The following LINGO2 variants were observed in gnomAD, a reference collection of about 807,000 sequenced individuals.
The protein encoded by LINGO2 is leucine-rich repeat and immunoglobulin-like domain-containing nogo receptor-interacting protein 2.
Under a neutral mutation model 30.6 loss-of-function variants are expected in LINGO2, and 14 were observed. The observed-to-expected ratio is 0.46, with a 90% CI of 0.30 to 0.72. LINGO2 has a LOEUF of 0.72. LINGO2 is among the 30% of genes least tolerant of loss of function. The pLI is 0.07. For missense variants in LINGO2, 729 were observed against 751.7 expected, an observed-to-expected ratio of 0.97 and a Z score of 0.35; for synonymous variants, 317 against 288.5, an observed-to-expected ratio of 1.10 and a Z score of -1.00.
At chr9:28,095,287 T>A (rs983685037) in intron 4 of LINGO2, among the ~76,000 whole-genome samples, 1 of 152,096 alleles carries the variant, frequency 6.6e-6, no homozygotes, top group Non-Finnish European at 1.5e-5. Flanking sequence ...CAGTTCGCCG[T>A]ATCCCAACTA....
At chr9:28,517,271 G>T (rs573556229) in intron 1 of LINGO2, among the ~76,000 whole-genome samples, 6 of 152,114 alleles carry the variant, frequency 3.9e-5, no homozygotes, top group Non-Finnish European at 8.8e-5. Flanking sequence ...AAAAGAGCCA[G>T]ATCTTTAATA....
chr9:28,617,243 T>C (rs1826169520), intron 1 of LINGO2, among the ~76,000 whole-genome samples: 1 of 152,136 alleles, frequency 6.6e-6, no homozygotes, highest in South Asian at 2.1e-4. Flanking sequence ...TATCTGTCTT[T>C]CTACTTTTCT....
chr9:28,633,433 AT>A (rs1444674593), intron 1 of LINGO2, among the ~76,000 whole-genome samples: 15 of 152,336 alleles, frequency 9.8e-5, no homozygotes, highest in African/African-American at 2.9e-4. Context: ...TTCCAAAAAA[AT>A]AAGCAAAAAT....
the LINGO2 span, among the ~76,000 whole-genome samples, chr9:29,172,944 C>CT: frequency 6.6e-6 from 1 of 151,922 alleles, no homozygotes; most frequent in Non-Finnish European, 1.5e-5. Flanking sequence ...CTGTATCATA[C>CT]AATCTCATAT....
intron 4 of LINGO2, among the ~76,000 whole-genome samples, chr9:28,039,992 A>C (rs1443700871): frequency 6.6e-6 from 1 of 152,150 alleles, no homozygotes; most frequent in Non-Finnish European, 1.5e-5. Context: ...CTATTAAAAC[A>C]TGTGCCAAGC....
At chr9:28,302,290 C>A (rs2134213037) in intron 3 of LINGO2, among the ~76,000 whole-genome samples, 1 of 152,330 alleles carries the variant, frequency 6.6e-6, no homozygotes, top group South Asian at 2.1e-4. Context: ...AAACTGTCAT[C>A]TCTCTATATA....
chr9:27,992,788 A>G (rs891205262), intron 5 of LINGO2, among the ~76,000 whole-genome samples: 1 of 140,466 alleles, frequency 7.1e-6, no homozygotes, highest in Non-Finnish European at 1.5e-5. Flanking sequence ...TTGGTGAGGG[A>G]ACATTAACTA....
At chr9:28,809,485 C>T in the LINGO2 span, among the ~76,000 whole-genome samples, 2 of 152,156 alleles carry the variant, frequency 1.3e-5, no homozygotes, top group Non-Finnish European at 2.9e-5. Flanking sequence ...GTGGCTCACG[C>T]CTGTAATCCC....
At chr9:28,631,976 A>G (rs1826963479) in intron 1 of LINGO2, among the ~76,000 whole-genome samples, 1 of 152,140 alleles carries the variant, frequency 6.6e-6, no homozygotes, top group African/African-American at 2.4e-5. Flanking sequence ...ATTCCTAAAG[A>G]TCATAGGTTT....
the LINGO2 span, among the ~76,000 whole-genome samples, chr9:29,014,179 A>T: frequency 6.6e-6 from 1 of 152,194 alleles, no homozygotes; most frequent in Non-Finnish European, 1.5e-5. Context: ...CAGATGATAG[A>T]AAATGCATTG....
the LINGO2 span, among the ~76,000 whole-genome samples, chr9:28,933,475 G>C: frequency 6.6e-6 from 1 of 151,396 alleles, no homozygotes; most frequent in African/African-American, 2.4e-5. Context: ...TTTTCCCGGA[G>C]CTTTCAGATT....
At chr9:28,381,444 C>G (rs1455310040) in intron 2 of LINGO2, among the ~76,000 whole-genome samples, 1 of 152,022 alleles carries the variant, frequency 6.6e-6, no homozygotes, top group African/African-American at 2.4e-5. Context: ...TCAGGAATCA[C>G]AGCCGCTCAT....
the LINGO2 span, among the ~76,000 whole-genome samples, chr9:29,098,438 G>C: frequency 6.6e-6 from 1 of 151,534 alleles, no homozygotes; most frequent in Non-Finnish European, 1.5e-5. Flanking sequence ...AAGTCCTAAA[G>C]GATGAGGGAT....
intron 2 of LINGO2, among the ~76,000 whole-genome samples, chr9:28,387,633 A>G (rs531585552): frequency 1.9e-4 from 29 of 152,354 alleles, no homozygotes; most frequent in African/African-American, 7.0e-4. Context: ...CTGCCAGACC[A>G]CGAACCCATC....
chr9:28,481,551 A>C (rs13295261), intron 1 of LINGO2, among the ~76,000 whole-genome samples: 1 of 151,862 alleles, frequency 6.6e-6, no homozygotes, highest in African/African-American at 2.4e-5. Flanking sequence ...TCAAATGCTA[A>C]CTCCCTCTAT....
chr9:29,021,727 AG>A, the LINGO2 span, among the ~76,000 whole-genome samples: 1 of 151,566 alleles, frequency 6.6e-6, no homozygotes, highest in African/African-American at 2.4e-5. Context: ...GAAGGAAGGA[AG>A]GAAGGAAGGA....
chr9:28,713,131 TGCGATTACAGGTGTAAG>T, the LINGO2 span, among the ~76,000 whole-genome samples: 3 of 152,180 alleles, frequency 2.0e-5, no homozygotes, highest in Non-Finnish European at 4.4e-5. Context: ...CCTAAAGTGC[TGCGATTACAGGTGTAAG>T]CCACTGTGCC....
intron 4 of LINGO2, among the ~76,000 whole-genome samples, chr9:28,094,923 G>C (rs957429970): frequency 2.0e-5 from 3 of 152,072 alleles, no homozygotes; most frequent in Admixed American, 1.3e-4. Flanking sequence ...GAGGACCTAG[G>C]AGATAGGACA....
chr9:28,842,637 C>T, the LINGO2 span, among the ~76,000 whole-genome samples: 1 of 151,872 alleles, frequency 6.6e-6, no homozygotes, highest in East Asian at 1.9e-4. Flanking sequence ...GATCCAGATA[C>T]ACAGAAAGGC....
Sources: gnomAD v4.1 joint callset for allele counts (sites outside exome capture counted in the v4.1 genomes callset) on GRCh38, gnomAD v4.1.1 for gene constraint, MANE v1.5 for transcripts, NCBI Gene and HGNC (gene_info 2026-07-23, HGNC 2026-07-21) for gene names.